The following MAP2K1 variants were observed in gnomAD, a reference collection of about 807,000 sequenced individuals.
The protein encoded by MAP2K1 is mitogen-activated protein kinase kinase 1, also known as dual specificity mitogen-activated protein kinase kinase 1.
In MAP2K1, 16 loss-of-function variants were observed where a neutral mutation model predicts 46.3. The observed-to-expected ratio is 0.35, with a 90% CI of 0.23 to 0.52. The LOEUF is 0.52. Ranked by LOEUF, MAP2K1 falls within the 20% of genes least tolerant of loss-of-function variation. MAP2K1 has a pLI of 0.94. For synonymous variants in MAP2K1, 183 were observed against 185.6 expected (o/e 0.99, Z 0.11); for missense variants, 263 against 497.1 (o/e 0.53, Z 4.48).
intron 1 of MAP2K1, among the ~76,000 whole-genome samples, chr15:66,424,982 G>C (rs1188762332): frequency 6.6e-6 from 1 of 151,820 alleles, no homozygotes; most frequent in Admixed American, 6.6e-5. Context: ...TTTTAGTAGA[G>C]ACAGGGTTTC....
At chr15:66,455,280 T>A (rs967566337) in intron 5 of MAP2K1, among the ~76,000 whole-genome samples, 1 of 152,246 alleles carries the variant, frequency 6.6e-6, no homozygotes, top group Non-Finnish European at 1.5e-5. Flanking sequence ...TAATAAAAAG[T>A]AACGTACAAA....
chr15:66,420,140 A>T (rs1266297608), intron 1 of MAP2K1, among the ~76,000 whole-genome samples: 4 of 152,238 alleles, frequency 2.6e-5, no homozygotes, highest in African/African-American at 2.4e-5. Context: ...GCTACTCGGG[A>T]GGCTGAGGAA....
chr15:66,437,053 T>G (rs1313681180), intron 3 of MAP2K1, among the ~76,000 whole-genome samples, 161 bp downstream of exon 3: 1 of 152,210 alleles, frequency 6.6e-6, no homozygotes, highest in East Asian at 1.9e-4. Context: ...GCTTGGGATA[T>G]TCACAAGATG....
Position 66,386,940 on chromosome 15 carries a change from G to T in MAP2K1, c.-408G>T, listed in dbSNP as rs536414539. The stretch of plus-strand genomic sequence containing the variant: ...CCCTCCCAGGGCCGCTTCGCAGAGC[G>T]GCTAGGAGCACGGCGGCGGCGGCAC... On this transcript the variant is annotated 5_prime_UTR_variant, in exon 1 of 11. Coordinates refer to ENST00000307102, the MANE Select transcript of MAP2K1 (RefSeq NM_002755.4). 3.4e-3 allele frequency: 847 copies of T among 250,414 alleles called. 8 individuals carry two copies. The highest frequency in any genetic ancestry group is 0.017 in the African/African-American group (793 of 45,806). 15.5% of individuals were successfully genotyped at this position (250,414 alleles called of 1,614,324 possible).
At chr15:66,483,402 C>T (rs1306518332) in intron 6 of MAP2K1, among the ~76,000 whole-genome samples, 1 of 152,110 alleles carries the variant, frequency 6.6e-6, no homozygotes, top group Non-Finnish European at 1.5e-5. Context: ...GCATCCTGGG[C>T]CATTTGACTG....
chr15:66,440,079 C>T (rs759395359), intron 3 of MAP2K1, among the ~76,000 whole-genome samples: 11 of 150,182 alleles, frequency 7.3e-5, no homozygotes, highest in African/African-American at 1.5e-4. Context: ...TTGGGGGGCG[C>T]GTGGGGTTCT....
At chr15:66,389,661 A>G (rs1595833300) in intron 1 of MAP2K1, among the ~76,000 whole-genome samples, 3 of 126,118 alleles carry the variant, frequency 2.4e-5, no homozygotes, top group Admixed American at 1.0e-4. Context: ...CACAACCTCC[A>G]CCTCCCGGCT....
chr15:66,483,505 C>T (rs1237155899), intron 6 of MAP2K1, among the ~76,000 whole-genome samples: 2 of 152,034 alleles, frequency 1.3e-5, no homozygotes, highest in East Asian at 1.9e-4. Flanking sequence ...TGGTCAGTTA[C>T]GAAATAGTCC....
At chr15:66,423,962 A>G (rs1447383249) in intron 1 of MAP2K1, among the ~76,000 whole-genome samples, 1 of 152,066 alleles carries the variant, frequency 6.6e-6, no homozygotes, top group East Asian at 1.9e-4. Flanking sequence ...CATGTTAGCC[A>G]GGCTGGTCTG....
chr15:66,433,676 A>G (rs1368176), intron 1 of MAP2K1, among the ~76,000 whole-genome samples: 42,004 of 151,942 alleles, frequency 0.28, 6,440 homozygotes, highest in South Asian at 0.37. Context: ...TGCTTACTCT[A>G]TCTTTTAAGC....
At chr15:66,488,132 G>T (rs952057249) in intron 8 of MAP2K1, among the ~76,000 whole-genome samples, 8 of 152,128 alleles carry the variant, frequency 5.3e-5, no homozygotes, top group Admixed American at 5.2e-4. Flanking sequence ...TGCAGCCTCT[G>T]CTGGCACACA....
chr15:66,469,171 G>A (rs1419842828), intron 5 of MAP2K1, among the ~76,000 whole-genome samples: 4 of 151,760 alleles, frequency 2.6e-5, no homozygotes, highest in African/African-American at 7.3e-5. Flanking sequence ...CAGGAGAATC[G>A]CTTGAACCCA....
At position 66,489,212 on chromosome 15, in the gene MAP2K1, C is replaced by T. The variant is rs2140682910; in HGVS notation, c.961-3C>T. ...TTTTTCTTATCTCAACATGTGTTTG[C>T]AGCCTCCTCCAAAACTGCCCAGTGG... On this transcript the variant is annotated splice_polypyrimidine_tract_variant and splice_region_variant and intron_variant, in intron 8 of 10. Transcript: ENST00000307102. 1 of 1,613,396 alleles carries T rather than the reference C, an allele frequency of 6.2e-7. No homozygotes were observed. The highest frequency in any genetic ancestry group is 8.5e-7 in the Non-Finnish European group (1 of 1,179,352).
At chr15:66,478,420 A>ATAT in intron 5 of MAP2K1, among the ~76,000 whole-genome samples, 1 of 131,210 alleles carries the variant, frequency 7.6e-6, no homozygotes, top group African/African-American at 2.6e-5. Flanking sequence ...ATATACACAC[A>ATAT]GGTATATATA....
At chr15:66,467,078 A>G (rs528553533) in intron 5 of MAP2K1, among the ~76,000 whole-genome samples, 1 of 152,266 alleles carries the variant, frequency 6.6e-6, no homozygotes, top group South Asian at 2.1e-4. Flanking sequence ...CTACAAAAAT[A>G]CAAGAAATTA....
At chr15:66,482,825 C>T (rs112611724) in intron 6 of MAP2K1, among the ~76,000 whole-genome samples, 2,417 of 152,116 alleles carry the variant, frequency 0.016, 60 homozygotes, top group African/African-American at 0.055. Context: ...TGCTGAAGTG[C>T]GGCAAAGTGG....
At chr15:66,487,032 C>CT (rs1420952323) in intron 7 of MAP2K1, among the ~76,000 whole-genome samples, 196 bp from the exon 8 acceptor site, 12 of 152,276 alleles carry the variant, frequency 7.9e-5, no homozygotes, top group Admixed American at 7.8e-4. Flanking sequence ...AGGTTACGAA[C>CT]TTAAGATGTG....
intron 3 of MAP2K1, among the ~76,000 whole-genome samples, chr15:66,442,882 C>A (rs2093508233): frequency 6.6e-6 from 1 of 152,108 alleles, no homozygotes; most frequent in African/African-American, 2.4e-5. Flanking sequence ...ACACAGAACT[C>A]AGGGAAACAC....
chr15:66,478,369 A>G (rs1336889817), intron 5 of MAP2K1, among the ~76,000 whole-genome samples: 11 of 128,438 alleles, frequency 8.6e-5, no homozygotes, highest in African/African-American at 3.1e-4. Context: ...ACACACATAT[A>G]TGTTAAATAT....
Sources: allele counts gnomAD v4.1 joint callset (sites outside exome capture counted in the v4.1 genomes callset), GRCh38; gene constraint gnomAD v4.1.1; transcripts MANE v1.5; gene names NCBI Gene and HGNC (gene_info 2026-07-23, HGNC 2026-07-21).